The following ATP5F1C variants were observed in gnomAD, a reference collection of about 807,000 sequenced individuals.
ATP5F1C encodes ATP synthase F1 subunit gamma.
Under a neutral mutation model 37.4 loss-of-function variants are expected in ATP5F1C, and 22 were observed. The ratio of observed to expected loss-of-function variants is 0.59; its 90% CI spans 0.42 to 0.84. The LOEUF is 0.84. ATP5F1C is among the 40% of genes least tolerant of loss of function. The pLI, the probability that ATP5F1C is intolerant of heterozygous loss-of-function variation, is 0.00. For synonymous variants in ATP5F1C, 121 were observed against 128.0 expected (o/e 0.95, Z 0.37); for missense variants, 286 against 362.4 (o/e 0.79, Z 1.71).
chr10:7,799,334 G>A, intron 4 of ATP5F1C, 140 bp downstream of exon 4: 1 of 717,524 alleles, frequency 1.4e-6, no homozygotes, highest in Non-Finnish European at 2.3e-6. Context: ...ATTCACAAGG[G>A]GGTGTTTGTT....
chr10:7,799,684 G>A (rs1266909763), intron 4 of ATP5F1C, 88 bp from the exon 5 acceptor site: 10 of 1,489,066 alleles, frequency 6.7e-6, no homozygotes, highest in Admixed American at 3.9e-5. Context: ...CTGATCCATG[G>A]TGACAATGTT....
rs1836325900 is a variant in ATP5F1C at position 7,800,089 on chromosome 10, C to G, written c.635C>G (p.Ala212Gly). 1 of 1,613,628 alleles carries G rather than the reference C, an allele frequency of 6.2e-7. No homozygotes were observed. The highest frequency in any genetic ancestry group is 8.5e-7 in the Non-Finnish European group (1 of 1,179,854). The change falls in exon 6 of 10, where the codon GCT (alanine) becomes GGT (glycine). Residue 212 changes from alanine (A) to glycine (G), a missense_variant and splice_region_variant. Physicochemically the swap from Ala to Gly is moderately conservative, Grantham distance 60. Coordinates refer to ENST00000356708, the MANE Select transcript of ATP5F1C (RefSeq NM_001001973.3). ...PIFSLNTVAS[A>G]DSMSIYDDID... ...TTTTCCCTTAATACCGTTGCAAGTG[C>G]TGGTAAGTAGTTTTTCTATGATACA...
chr10:7,799,260 T>G, intron 4 of ATP5F1C, 66 bp downstream of exon 4: 11 of 1,493,046 alleles, frequency 7.4e-6, no homozygotes, highest in Non-Finnish European at 1.0e-5. Flanking sequence ...CTCTCAAAAG[T>G]TTTGACAAAC....
rs182051677 is a variant in ATP5F1C at position 7,801,255 on chromosome 10, A to C, written c.638-1015A>C. Among the ~76,000 whole-genome samples, 548 of 152,354 alleles carry C rather than the reference A, an allele frequency of 3.6e-3. 6 individuals are homozygous for C. Among genetic ancestry groups the C allele is most frequent in the African/African-American group, 0.012 (515 of 41,584 alleles). ...TTTCTGAAATTGAGATGGCTCTACC[A>C]GCCAATGGAACATCATTTATAATTG... is the stretch of plus-strand genomic sequence containing the variant. On this transcript the variant is annotated intron_variant, in intron 6 of 9. Transcript: ENST00000356708.
intron 3 of ATP5F1C, among the ~76,000 whole-genome samples, chr10:7,798,206 G>GTGTGTTTTGTTGT (rs140556681): frequency 2.6e-5 from 4 of 151,826 alleles, no homozygotes; most frequent in African/African-American, 9.7e-5. Flanking sequence ...ATGTGTGTGT[G>GTGTGTTTTGTTGT]TGTGTTTTGT....
chr10:7,805,634 C>G (rs181256399), intron 8 of ATP5F1C, among the ~76,000 whole-genome samples: 30 of 150,746 alleles, frequency 2.0e-4, no homozygotes, highest in African/African-American at 7.3e-4. Flanking sequence ...GTAGTCCCAG[C>G]TACTATGGAG....
At chr10:7,799,976 T>C (rs1291352742) in intron 5 of ATP5F1C, 51 bp from the exon 6 acceptor site, 9 of 1,606,452 alleles carry the variant, frequency 5.6e-6, no homozygotes, top group Non-Finnish European at 7.6e-6. Context: ...TATTTTGAAA[T>C]AACAGTTTAA....
intron 7 of ATP5F1C, 90 bp from the exon 8 acceptor site, chr10:7,802,668 T>A: frequency 7.1e-7 from 1 of 1,399,788 alleles, no homozygotes; most frequent in Non-Finnish European, 9.7e-7. Context: ...CAAAAATTTC[T>A]TACTTTTAAA....
Position 7,788,282 on chromosome 10 carries a change from A to C in ATP5F1C, c.56+19A>C, listed in dbSNP as rs761402348. 26 of 1,612,154 alleles carry C rather than the reference A, an allele frequency of 1.6e-5. No individual in the cohort carries two copies. The highest frequency in any genetic ancestry group is 2.2e-5 in the East Asian group (1 of 44,878). On this transcript the variant is annotated intron_variant, in intron 1 of 9. Transcript: ENST00000356708. The stretch of plus-strand genomic sequence containing the variant: ...CGCAATGGTATGGCAGCTTGCGGGA[A>C]GATCGGCAGGACCGCAAGGGATGGA...
intron 2 of ATP5F1C, 174 bp downstream of exon 2, chr10:7,796,329 A>G: frequency 2.0e-6 from 1 of 505,970 alleles, no homozygotes; most frequent in East Asian, 3.6e-5. Context: ...CCAGTAAGAA[A>G]GGACACCTGA....
intron 8 of ATP5F1C, among the ~76,000 whole-genome samples, chr10:7,806,704 G>T (rs1588505618): frequency 1.3e-5 from 2 of 150,652 alleles, no homozygotes; most frequent in South Asian, 2.1e-4. Flanking sequence ...TAGAAAAATT[G>T]TAATTTAAAT....
At chr10:7,795,840 G>A (rs1836228830) in intron 1 of ATP5F1C, among the ~76,000 whole-genome samples, 1 of 152,192 alleles carries the variant, frequency 6.6e-6, no homozygotes, top group Admixed American at 6.5e-5. Context: ...CAAAGATATG[G>A]AGGTGGGACT....
intron 3 of ATP5F1C, among the ~76,000 whole-genome samples, chr10:7,798,036 T>TA (rs1836274602): frequency 6.6e-6 from 1 of 152,230 alleles, no homozygotes; most frequent in South Asian, 2.1e-4. Context: ...TTAACTTTTT[T>TA]ATGATCATGC....
chr10:7,807,760 G>T lies in ATP5F1C; in HGVS notation c.*132G>T. The T allele has an allele frequency of 2.3e-6, 3 of 1,309,864 alleles. No homozygotes were observed. The highest frequency in any genetic ancestry group is 3.2e-6 in the Non-Finnish European group (3 of 948,130). 81.1% of individuals were successfully genotyped at this position (1,309,864 alleles called of 1,614,324 possible). On this transcript the variant is annotated 3_prime_UTR_variant, in exon 10 of 10. Coordinates refer to ENST00000356708, the MANE Select transcript of ATP5F1C (RefSeq NM_001001973.3). The stretch of plus-strand genomic sequence containing the variant: ...TTATTTGAATTACTGAAGACAGCAA[G>T]ATATTTGTAAATTATCTTAAAATAA...
chr10:7,806,654 CAA>C (rs34887547), intron 8 of ATP5F1C, among the ~76,000 whole-genome samples: 3 of 126,736 alleles, frequency 2.4e-5, no homozygotes, highest in Non-Finnish European at 3.4e-5. Context: ...ACTCCATCTC[CAA>C]AAAAAAAAAA....
chr10:7,804,026 G>GTATTT (rs1836425909), intron 8 of ATP5F1C: 1 of 512,856 alleles, frequency 1.9e-6, no homozygotes, highest in African/African-American at 1.9e-5. Context: ...AGTGGTAACA[G>GTATTT]TATTTGCCTT....
intron 1 of ATP5F1C, among the ~76,000 whole-genome samples, chr10:7,793,417 A>G (rs1836192660): frequency 6.6e-6 from 1 of 152,190 alleles, no homozygotes; most frequent in Non-Finnish European, 1.5e-5. Flanking sequence ...TGGCCCTGCC[A>G]TCTGTTGATC....
chr10:7,797,003 A>T (rs757752737), intron 2 of ATP5F1C, 44 bp from the exon 3 acceptor site: 1 of 1,584,798 alleles, frequency 6.3e-7, no homozygotes, highest in South Asian at 1.1e-5. Flanking sequence ...CAAGGAAGTT[A>T]TACTGTAATT....
At chr10:7,789,061 G>A (rs1836109873) in intron 1 of ATP5F1C, among the ~76,000 whole-genome samples, 2 of 152,148 alleles carry the variant, frequency 1.3e-5, no homozygotes, top group Admixed American at 1.3e-4. Context: ...TTAAACATTA[G>A]TTCCGGGTAG....
Sources: gnomAD v4.1 joint callset for allele counts (sites outside exome capture counted in the v4.1 genomes callset) on GRCh38, gnomAD v4.1.1 for gene constraint, MANE v1.5 for transcripts, NCBI Gene and HGNC (gene_info 2026-07-23, HGNC 2026-07-21) for gene names.